The following PIEZO2 variants were observed in gnomAD, a reference collection of about 807,000 sequenced individuals.
PIEZO2 encodes piezo type mechanosensitive ion channel component 2, also known as piezo-type mechanosensitive ion channel component 2.
PIEZO2 carries 172 observed loss-of-function variants against 337.3 expected under a neutral mutation model. That is an observed-to-expected ratio of 0.51 (90% CI 0.45 to 0.58). The LOEUF (loss-of-function observed/expected upper bound fraction) is 0.58, where lower values mean the gene tolerates loss of function less well. Ranked by LOEUF, PIEZO2 falls within the 20% of genes least tolerant of loss-of-function variation. The pLI, the probability that PIEZO2 is intolerant of heterozygous loss-of-function variation, is 0.00. For synonymous variants in PIEZO2, 1,251 were observed against 1,228.5 expected, an observed-to-expected ratio of 1.02 and a Z score of -0.38; for missense variants, 3,028 against 3,391.3, an observed-to-expected ratio of 0.89 and a Z score of 2.66.
Position 11,104,245 on chromosome 18 carries a change from A to T in PIEZO2, c.65-38023T>A, listed in dbSNP as rs576344717. Among the ~76,000 whole-genome samples the T allele has an allele frequency of 2.6e-5, 4 of 152,292 alleles. No individual in the cohort carries two copies. The highest frequency in any genetic ancestry group is 3.9e-4 in the East Asian group (2 of 5,180). On this transcript the variant is annotated intron_variant, in intron 1 of 55. Coordinates refer to ENST00000674853, the MANE Select transcript of PIEZO2 (RefSeq NM_001378183.1). This position sits in a 1 kb window ranked among gnomAD's most constrained non-coding sequence, Gnocchi z 4.6. ...AGCCCAGAATTTGGAGGCTTTTCAC[A>T]TACTCTGAGAATGTAAAAGGTGGCA...
rs1255017264 is a variant in PIEZO2, at chr18:10,993,775, C to A, written c.161-14115G>T. On this transcript the variant is annotated intron_variant, in intron 2 of 55. Coordinates refer to ENST00000674853, the MANE Select transcript of PIEZO2 (RefSeq NM_001378183.1). This position sits in a 1 kb window ranked among gnomAD's most constrained non-coding sequence, Gnocchi z 5.0. The stretch of plus-strand genomic sequence containing the variant: ...ATCTCCTGACTTCGTGATCTGCCCG[C>A]TTCGGCCTCCCAAAGTGCTGGGATT... Among the ~76,000 whole-genome samples, 1 of 152,186 alleles carries A rather than the reference C, an allele frequency of 6.6e-6. No homozygotes were observed. The highest frequency in any genetic ancestry group is 1.5e-5 in the Non-Finnish European group (1 of 68,034).
Position 10,675,248 on chromosome 18 carries a change from T to G in PIEZO2, c.8122A>C (p.Ser2708Arg), listed in dbSNP as rs774301972. Residue 2708 changes from serine to arginine, a missense_variant, in exon 54 of 56, where the codon AGT (serine) becomes CGT (arginine). Ser to Arg is a moderately radical substitution (Grantham distance 110, BLOSUM62 -1). Around this residue, in one of 5 missense-constraint regions of PIEZO2, gnomAD observed 332 missense variants for 363.8 expected, o/e 0.91. Coordinates refer to ENST00000674853, the MANE Select transcript of PIEZO2 (RefSeq NM_001378183.1). ...TTTATAGGTTTTGAGTTAGAATCAC[T>G]AGGTGCTTTCACATAATATGGATAA... ...KIYPYYVKAP[S>R]DSNSKPIKQL... is the part of the protein sequence containing the mutation. The G allele has an allele frequency of 5.8e-6, 9 of 1,548,762 alleles. No homozygotes were observed. The highest frequency in any genetic ancestry group is 7.9e-6 in the Non-Finnish European group (9 of 1,144,522).
rs1188053394 is a variant in PIEZO2 at position 10,713,848 on chromosome 18, TTCC to T, written c.5423+913_5423+915del. Among the ~76,000 whole-genome samples, 1 of 152,244 alleles carries T rather than the reference TTCC, an allele frequency of 6.6e-6. No individual in the cohort carries two copies. The highest frequency in any genetic ancestry group is 2.4e-5 in the African/African-American group (1 of 41,460). On this transcript the variant is annotated intron_variant, in intron 39 of 55. Coordinates refer to ENST00000674853, the MANE Select transcript of PIEZO2 (RefSeq NM_001378183.1). The surrounding 1 kb of genome is among the most constrained non-coding windows in gnomAD (Gnocchi z 4.5). ...GCGCTTCACCCTAACAAGGCGATTT[TTCC>T]TCCTAAGACAGGGACTTCTGCTTTA... is the stretch of plus-strand genomic sequence containing the variant.
At position 11,092,992 on chromosome 18, in the gene PIEZO2, A is replaced by T. The variant is rs7234325; in HGVS notation, c.65-26770T>A. Among the ~76,000 whole-genome samples the T allele has an allele frequency of 0.34, 52,310 of 152,126 alleles. 11,140 individuals are homozygous for T. Among genetic ancestry groups the T allele is most frequent in the Non-Finnish European group, 0.47 (32,041 of 67,976 alleles). On this transcript the variant is annotated intron_variant, in intron 1 of 55. Coordinates refer to ENST00000674853, the MANE Select transcript of PIEZO2 (RefSeq NM_001378183.1). The surrounding 1 kb of genome is among the most constrained non-coding windows in gnomAD (Gnocchi z 4.5). ...AAGCCTAACGAGCCCAAGAGCTTATAATATCGAGTGTGTTTGAGGTCAGGG... is the reference window on the plus strand; with the variant it reads ...AAGCCTAACGAGCCCAAGAGCTTATTATATCGAGTGTGTTTGAGGTCAGGG...
rs1156506627 is a variant in PIEZO2, at chr18:10,670,970, C to G, written c.*557G>C. 1 of 152,396 alleles carries G rather than the reference C, an allele frequency of 6.6e-6. No individual in the cohort carries two copies. The highest frequency in any genetic ancestry group is 1.5e-5 in the Non-Finnish European group (1 of 68,132). 9.4% of individuals were successfully genotyped at this position (152,396 alleles called of 1,614,324 possible). Reference sequence around the variant, plus strand: ...TACTATGTTTTTGCTTAGAATGAGGCTGATCCTTCCACTGGCGTCTTCACG... The same window carrying G: ...TACTATGTTTTTGCTTAGAATGAGGGTGATCCTTCCACTGGCGTCTTCACG... On this transcript the variant is annotated 3_prime_UTR_variant, in exon 56 of 56. Coordinates refer to ENST00000674853, the MANE Select transcript of PIEZO2 (RefSeq NM_001378183.1).
rs1307572736 is a variant in PIEZO2, at chr18:10,724,090, A to C, written c.5030-5831T>G. On this transcript the variant is annotated intron_variant, in intron 36 of 55. Coordinates refer to ENST00000674853, the MANE Select transcript of PIEZO2 (RefSeq NM_001378183.1). This position sits in a 1 kb window ranked among gnomAD's most constrained non-coding sequence, Gnocchi z 5.8. ...CTGCACTGTACCACCTCCCAGATTA[A>C]GTGAGTGCTGAGCACAGAGATTAGA... Among the ~76,000 whole-genome samples the C allele has an allele frequency of 1.3e-5, 2 of 152,150 alleles. No homozygotes were observed. Among genetic ancestry groups the C allele is most frequent in the Non-Finnish European group, 2.9e-5 (2 of 68,020 alleles).
At position 11,069,193 on chromosome 18, in the gene PIEZO2, C is replaced by T. The variant is rs979112837; in HGVS notation, c.65-2971G>A. On this transcript the variant is annotated intron_variant, in intron 1 of 55. Transcript: ENST00000674853. The surrounding 1 kb of genome is among the most constrained non-coding windows in gnomAD (Gnocchi z 4.9). ...AGTCATCCTATGTGGTCATCACTAC[C>T]CTGATACCAAAACCAGACAAGGATA... is the stretch of plus-strand genomic sequence containing the variant. Among the ~76,000 whole-genome samples the T allele has an allele frequency of 6.6e-6, 1 of 152,114 alleles. No homozygotes were observed. Among genetic ancestry groups the T allele is most frequent in the African/African-American group, 2.4e-5 (1 of 41,436 alleles).
intron 3 of PIEZO2, among the ~76,000 whole-genome samples, chr18:10,972,720 C>T (rs2034291949): frequency 6.6e-6 from 1 of 152,156 alleles, no homozygotes; most frequent in Non-Finnish European, 1.5e-5. Flanking sequence ...CAAATTTCAT[C>T]CATGTGACTG....
chr18:10,705,894 A>G (rs2035566774), intron 40 of PIEZO2, 148 bp from the exon 41 acceptor site: 2 of 1,047,350 alleles, frequency 1.9e-6, no homozygotes, highest in Admixed American at 5.9e-5. Flanking sequence ...CTTTTAGGAT[A>G]ATCACTCCTG....
At chr18:10,868,866 C>T (rs1373399672) in intron 5 of PIEZO2, among the ~76,000 whole-genome samples, 1 of 152,154 alleles carries the variant, frequency 6.6e-6, no homozygotes, top group Non-Finnish European at 1.5e-5. Flanking sequence ...TTTCTTAGTC[C>T]TATGGCAAAC....
Position 11,028,827 on chromosome 18 carries a change from TA to T in PIEZO2, c.160+37299del, listed in dbSNP as rs1460656111. On this transcript the variant is annotated intron_variant, in intron 2 of 55. Transcript: ENST00000674853. The surrounding 1 kb of genome is among the most constrained non-coding windows in gnomAD (Gnocchi z 4.8). ...TCTTTCTTGTGCTTGGTACTCTATATAATACCTATTGACTCACTTCTTCAGC... is the reference window on the plus strand; with the variant it reads ...TCTTTCTTGTGCTTGGTACTCTATATATACCTATTGACTCACTTCTTCAGC... 6.6e-6 allele frequency among the ~76,000 whole-genome samples: 1 copy of T among 152,150 alleles called. No individual in the cohort carries two copies. The highest frequency in any genetic ancestry group is 2.4e-5 in the African/African-American group (1 of 41,420).
rs528971813 is a variant in PIEZO2, at chr18:11,075,849, C to T, written c.65-9627G>A. ...TGTCACCCAGGCTGGAGTGCAGTGG[C>T]GCGATCTCCGCTCACTGCAAGCTCT... On this transcript the variant is annotated intron_variant, in intron 1 of 55. Coordinates refer to ENST00000674853, the MANE Select transcript of PIEZO2 (RefSeq NM_001378183.1). 1.1e-4 allele frequency among the ~76,000 whole-genome samples: 16 copies of T among 145,146 alleles called. No homozygotes were observed. The East Asian group carries it at 2.2e-3, about 20-fold the overall frequency.
intron 1 of PIEZO2, among the ~76,000 whole-genome samples, chr18:11,076,170 C>G (rs1258044602): frequency 1.3e-5 from 2 of 152,204 alleles, no homozygotes; most frequent in Non-Finnish European, 2.9e-5. Flanking sequence ...TGTGTGAAGG[C>G]TGACAATGCT....
chr18:11,057,591 G>A (rs145676610), intron 2 of PIEZO2, among the ~76,000 whole-genome samples: 332 of 152,282 alleles, frequency 2.2e-3, no homozygotes, highest in African/African-American at 7.4e-3. Flanking sequence ...AGAAAGAACC[G>A]TCTGATAATA....
rs1213704384 is a variant in PIEZO2, at chr18:11,003,530, T to A, written c.161-23870A>T. 6.6e-6 allele frequency among the ~76,000 whole-genome samples: 1 copy of A among 152,202 alleles called. No homozygotes were observed. On this transcript the variant is annotated intron_variant, in intron 2 of 55. Transcript: ENST00000674853. The surrounding 1 kb of genome is among the most constrained non-coding windows in gnomAD (Gnocchi z 4.6). ...AACTACACATACATTTAAGAAAGAT[T>A]AATAAAAGCAAGTCAGATAATAATT... is the stretch of plus-strand genomic sequence containing the variant.
At position 11,038,769 on chromosome 18, in the gene PIEZO2, T is replaced by C. The variant is rs1413913274; in HGVS notation, c.160+27358A>G. On this transcript the variant is annotated intron_variant, in intron 2 of 55. Transcript: ENST00000674853. The surrounding 1 kb of genome is among the most constrained non-coding windows in gnomAD (Gnocchi z 4.1). ...TGTATAATACATGCATACATACAAATAAAATTAGCTCTATACAACCTATAG... is the reference window on the plus strand; with the variant it reads ...TGTATAATACATGCATACATACAAACAAAATTAGCTCTATACAACCTATAG... Among the ~76,000 whole-genome samples the C allele has an allele frequency of 6.6e-6, 1 of 152,184 alleles. No individual in the cohort carries two copies. The highest frequency in any genetic ancestry group is 1.5e-5 in the Non-Finnish European group (1 of 68,032).
chr18:10,736,539 A>G (rs2037002572), intron 34 of PIEZO2, 65 bp downstream of exon 34: 11 of 1,530,388 alleles, frequency 7.2e-6, no homozygotes, highest in Non-Finnish European at 9.6e-6. Flanking sequence ...CTAGGCCTGC[A>G]ATGAAGGTCC....
Position 11,049,191 on chromosome 18 carries a change from C to A in PIEZO2, c.160+16936G>T, listed in dbSNP as rs566793676. Among the ~76,000 whole-genome samples, 111 of 152,310 alleles carry A rather than the reference C, an allele frequency of 7.3e-4. 2 individuals carry two copies. The highest frequency in any genetic ancestry group is 2.5e-4 in the Non-Finnish European group (17 of 68,026). ...ATCCATCTCTTCAGCACGTATCAGG[C>A]CTGATGAGTTCTTGTGAACAGCACT... is the stretch of plus-strand genomic sequence containing the variant. On this transcript the variant is annotated intron_variant, in intron 2 of 55. Transcript: ENST00000674853.
At chr18:10,912,423 C>G (rs2030563008) in intron 3 of PIEZO2, among the ~76,000 whole-genome samples, 1 of 152,166 alleles carries the variant, frequency 6.6e-6, no homozygotes, top group South Asian at 2.1e-4. Flanking sequence ...GCCCTAAATT[C>G]ATAAATTGTG....
Sources: gnomAD v4.1 joint callset for allele counts (sites outside exome capture counted in the v4.1 genomes callset) on GRCh38, gnomAD v4.1.1 for gene constraint, gnomAD v4.1.1 regional missense constraint, Gnocchi (gnomAD v3.1) non-coding constraint, MANE v1.5 for transcripts, NCBI Gene and HGNC (gene_info 2026-07-23, HGNC 2026-07-21) for gene names.